Variants in NFIB observed in about 807,000 individuals in gnomAD.
NFIB encodes nuclear factor I B, also known as nuclear factor 1 B-type.
Under a neutral mutation model 61.5 loss-of-function variants are expected in NFIB, and 11 were observed. The ratio of observed to expected loss-of-function variants is 0.18; its 90% CI spans 0.11 to 0.30. NFIB has a LOEUF of 0.30. Ranked by LOEUF, NFIB falls within the 10% of genes least tolerant of loss-of-function variation. The pLI, the probability that NFIB is intolerant of heterozygous loss-of-function variation, is 1.00. For synonymous variants in NFIB, 260 were observed against 216.5 expected (o/e 1.20, Z -1.76); for missense variants, 471 against 608.9 (o/e 0.77, Z 2.38).
At chr9:14,515,169 G>A in the NFIB span, among the ~76,000 whole-genome samples, 1 of 152,016 alleles carries the variant, frequency 6.6e-6, no homozygotes, top group Non-Finnish European at 1.5e-5. Flanking sequence ...GAACTGGACA[G>A]GTACAAGCAT....
chr9:14,124,336 C>G (rs1268304584), intron 7 of NFIB, among the ~76,000 whole-genome samples: 2 of 152,108 alleles, frequency 1.3e-5, no homozygotes, highest in African/African-American at 4.8e-5. Flanking sequence ...ATTTTTTCAC[C>G]TATCTCAATG....
At chr9:14,325,011 G>A (rs1388250485) in intron 1 of NFIB, among the ~76,000 whole-genome samples, 3 of 151,992 alleles carry the variant, frequency 2.0e-5, no homozygotes, top group South Asian at 2.1e-4. Flanking sequence ...CTACAACGTC[G>A]CCTGCTTTTC....
chr9:14,300,221 A>C (rs1309504383), intron 2 of NFIB: 2 of 398,432 alleles, frequency 5.0e-6, no homozygotes, highest in African/African-American at 4.1e-5. Context: ...GATCAGAAGG[A>C]AGCGTCTCTT....
At chr9:14,174,461 C>T (rs2045920315) in intron 3 of NFIB, among the ~76,000 whole-genome samples, 1 of 152,102 alleles carries the variant, frequency 6.6e-6, no homozygotes, top group Non-Finnish European at 1.5e-5. Context: ...AAGGAATAGA[C>T]ATGAATTTAT....
the NFIB span, among the ~76,000 whole-genome samples, chr9:14,447,536 A>G: frequency 2.0e-5 from 3 of 152,168 alleles, no homozygotes; most frequent in African/African-American, 7.2e-5. Context: ...TCTCAGACAA[A>G]CTGTGGCTAT....
chr9:14,452,617 T>C, the NFIB span, among the ~76,000 whole-genome samples: 1 of 152,218 alleles, frequency 6.6e-6, no homozygotes, highest in African/African-American at 2.4e-5. Context: ...TGTCAGAATA[T>C]AATGAGAAAA....
Position 14,211,298 on chromosome 9 carries a change from G to A in NFIB, c.563-31518C>T, listed in dbSNP as rs528603694. On this transcript the variant is annotated intron_variant, in intron 2 of 10. Transcript: ENST00000380953. ...AAAAACTGCACTCAAAAAACATCCT[G>A]GATTCAGATATGAATGGACCTGGGA... Among the ~76,000 whole-genome samples, 28 of 152,148 alleles carry A rather than the reference G, an allele frequency of 1.8e-4. No individual in the cohort carries two copies. The South Asian group carries it at 5.4e-3, about 29-fold the overall frequency.
At chr9:14,184,554 G>A (rs1017807800) in intron 2 of NFIB, among the ~76,000 whole-genome samples, 2 of 152,028 alleles carry the variant, frequency 1.3e-5, no homozygotes, top group African/African-American at 4.8e-5. Context: ...ACAATCTGGT[G>A]GAAGCTCTGT....
At chr9:14,398,647 C>T (rs1437796341) in exon 1 of NFIB, 2 of 1,506,908 alleles carry the variant, frequency 1.3e-6, no homozygotes, top group African/African-American at 1.4e-5. Flanking sequence ...GAACGGATTC[C>T]CGACAAGAAG....
the NFIB span, among the ~76,000 whole-genome samples, chr9:14,491,318 T>G: frequency 2.0e-4 from 30 of 152,112 alleles, no homozygotes; most frequent in Admixed American, 1.8e-3. Context: ...AGAAACAGAT[T>G]TGAACTAGAT....
rs562401407 is a variant in NFIB, at chr9:14,175,466, G to A, written c.616+4261C>T. On this transcript the variant is annotated intron_variant, in intron 3 of 10. Transcript: ENST00000380953. ...TAGGATTACAGGCGTAAGACACCAC[G>A]CCCAGCCAGCGACTTAAAGAATTTC... 3.9e-5 allele frequency among the ~76,000 whole-genome samples: 6 copies of A among 152,180 alleles called. No homozygotes were observed. The South Asian group carries it at 1.0e-3, about 26-fold the overall frequency.
At chr9:14,438,944 A>T in the NFIB span, among the ~76,000 whole-genome samples, 2 of 152,170 alleles carry the variant, frequency 1.3e-5, no homozygotes, top group Non-Finnish European at 2.9e-5. Flanking sequence ...CCCAATGACC[A>T]CATTTTCTCT....
chr9:14,522,109 A>AT, the NFIB span, among the ~76,000 whole-genome samples: 1 of 152,170 alleles, frequency 6.6e-6, no homozygotes. Context: ...TGATTGATTG[A>AT]TTTTTTAATT....
chr9:14,451,433 G>A, the NFIB span, among the ~76,000 whole-genome samples: 8 of 151,994 alleles, frequency 5.3e-5, no homozygotes, highest in Non-Finnish European at 1.2e-4. Context: ...ACCAACTATT[G>A]ATCAACTCTT....
intron 2 of NFIB, among the ~76,000 whole-genome samples, chr9:14,297,514 TAACA>T (rs897332983): frequency 1.9e-4 from 29 of 152,196 alleles, no homozygotes; most frequent in African/African-American, 4.3e-4. Context: ...AACACAACAG[TAACA>T]AACAAACAAA....
the NFIB span, among the ~76,000 whole-genome samples, chr9:14,490,235 T>C: frequency 1.3e-4 from 20 of 152,258 alleles, no homozygotes; most frequent in Admixed American, 2.0e-4. Flanking sequence ...AGTGTTTTGA[T>C]TGATAGAGCA....
the NFIB span, among the ~76,000 whole-genome samples, chr9:14,404,499 T>C: frequency 2.4e-3 from 371 of 152,314 alleles, no homozygotes; most frequent in Non-Finnish European, 4.5e-3. Flanking sequence ...CAGCTTGCCA[T>C]TGTTGCTGAA....
At chr9:14,479,237 G>T in the NFIB span, among the ~76,000 whole-genome samples, 2 of 152,178 alleles carry the variant, frequency 1.3e-5, no homozygotes, top group African/African-American at 4.8e-5. Flanking sequence ...GCACCCTTGT[G>T]GGGGATTGCA....
intron 2 of NFIB, among the ~76,000 whole-genome samples, chr9:14,230,548 G>T (rs913767172): frequency 6.6e-6 from 1 of 152,086 alleles, no homozygotes; most frequent in Non-Finnish European, 1.5e-5. Context: ...TGAATTTCAA[G>T]AACCCAGAAT....
Sources: gnomAD v4.1 joint callset for allele counts (sites outside exome capture counted in the v4.1 genomes callset) on GRCh38, gnomAD v4.1.1 for gene constraint, MANE v1.5 for transcripts, NCBI Gene and HGNC (gene_info 2026-07-23, HGNC 2026-07-21) for gene names.